The following FBXL17 variants were observed in gnomAD, a reference collection of about 807,000 sequenced individuals.
FBXL17 encodes F-box/LRR-repeat protein 17.
In FBXL17, 22 loss-of-function variants were observed where a neutral mutation model predicts 66.2. The observed-to-expected ratio is 0.33, with a 90% CI of 0.24 to 0.47. The LOEUF is 0.47. FBXL17 is among the 20% of genes least tolerant of loss of function. The probability of loss-of-function intolerance (pLI) is 1.00; values close to 1 mark genes in which losing one functional copy is unlikely to be tolerated. For synonymous variants in FBXL17, 474 were observed against 400.5 expected, an observed-to-expected ratio of 1.18 and a Z score of -2.19; for missense variants, 878 against 948.2, an observed-to-expected ratio of 0.93 and a Z score of 0.97.
chr5:108,256,567 T>C (rs371552120), intron 4 of FBXL17, among the ~76,000 whole-genome samples: 10 of 152,196 alleles, frequency 6.6e-5, no homozygotes, highest in African/African-American at 1.7e-4. Flanking sequence ...CTCCAAATGT[T>C]TGTATTGCTA....
At chr5:107,978,074 C>T (rs929184775) in intron 7 of FBXL17, among the ~76,000 whole-genome samples, 1 of 151,870 alleles carries the variant, frequency 6.6e-6, no homozygotes, top group Admixed American at 6.6e-5. Flanking sequence ...ATTCAGTCAG[C>T]CTGCAGTGGG....
chr5:108,167,037 C>A (rs1233570100), intron 6 of FBXL17, among the ~76,000 whole-genome samples: 1 of 151,956 alleles, frequency 6.6e-6, no homozygotes, highest in Admixed American at 6.6e-5. Flanking sequence ...TATTTTATGG[C>A]AGCATAAAAT....
chr5:107,980,661 TATA>T lies in FBXL17; in HGVS notation c.1822+40261_1822+40263del, dbSNP rs1561350463. Among the ~76,000 whole-genome samples, 13 of 91,562 alleles carry T rather than the reference TATA, an allele frequency of 1.4e-4. 1 individual carries two copies. The highest frequency in any genetic ancestry group is 8.5e-4 in the African/African-American group (13 of 15,332). 60.1% of individuals were successfully genotyped at this position (91,562 alleles called of 152,430 possible). ...CAATAAAATAATATATATATATATA[TATA>T]TTTTTTTTTTGAGATGGAGTCTTGC... On this transcript the variant is annotated intron_variant, in intron 7 of 8. Coordinates refer to ENST00000542267, the MANE Select transcript of FBXL17 (RefSeq NM_001163315.3).
intron 5 of FBXL17, among the ~76,000 whole-genome samples, chr5:108,222,188 T>C (rs990742000): frequency 1.3e-5 from 2 of 152,224 alleles, no homozygotes; most frequent in Non-Finnish European, 2.9e-5. Context: ...ACCATAATTT[T>C]TGGCCATCTC....
intron 7 of FBXL17, among the ~76,000 whole-genome samples, chr5:107,986,732 C>T (rs1753024393): frequency 6.6e-6 from 1 of 151,836 alleles, no homozygotes; most frequent in Non-Finnish European, 1.5e-5. Flanking sequence ...TACAATAGTG[C>T]ACTATAACTT....
chr5:108,242,383 TTGTTGTTG>T (rs1755899043), intron 4 of FBXL17, among the ~76,000 whole-genome samples: 4 of 151,664 alleles, frequency 2.6e-5, no homozygotes, highest in Non-Finnish European at 4.4e-5. Flanking sequence ...GTTGTTGTTG[TTGTTGTTG>T]TTGTTGTCAT....
intron 4 of FBXL17, among the ~76,000 whole-genome samples, chr5:108,338,940 A>C (rs1284108713): frequency 6.6e-6 from 1 of 152,192 alleles, no homozygotes; most frequent in Non-Finnish European, 1.5e-5. Flanking sequence ...TTAGATAGGA[A>C]CATCACCTGT....
chr5:108,248,183 A>C (rs569459766), intron 4 of FBXL17, among the ~76,000 whole-genome samples: 1 of 152,318 alleles, frequency 6.6e-6, no homozygotes, highest in East Asian at 1.9e-4. Context: ...TAAATCAACC[A>C]TCATAAAAAT....
At chr5:107,950,453 G>A (rs1213341206) in intron 7 of FBXL17, among the ~76,000 whole-genome samples, 1 of 152,142 alleles carries the variant, frequency 6.6e-6, no homozygotes, top group Non-Finnish European at 1.5e-5. Flanking sequence ...TAAAGACAGA[G>A]TTTGTAAAAT....
intron 6 of FBXL17, among the ~76,000 whole-genome samples, chr5:108,074,646 C>G (rs1405589889): frequency 2.0e-5 from 3 of 152,194 alleles, no homozygotes; most frequent in Non-Finnish European, 4.4e-5. Context: ...GCACCACTCA[C>G]CTCTCTTCTG....
At chr5:107,928,919 T>G (rs972161351) in intron 7 of FBXL17, among the ~76,000 whole-genome samples, 2 of 151,652 alleles carry the variant, frequency 1.3e-5, no homozygotes, top group East Asian at 3.9e-4. Flanking sequence ...TAAAGCAGAT[T>G]TTTTTTTTCC....
chr5:108,270,955 C>G (rs981293187), intron 4 of FBXL17, among the ~76,000 whole-genome samples: 1 of 151,994 alleles, frequency 6.6e-6, no homozygotes, highest in African/African-American at 2.4e-5. Context: ...CATCTCTCCC[C>G]CTTTCCCCCT....
chr5:108,299,059 C>T (rs551896970), intron 4 of FBXL17: 17 of 976,814 alleles, frequency 1.7e-5, no homozygotes, highest in African/African-American at 3.5e-5. Context: ...CATATCTGAA[C>T]AAAAAAGCCC....
At chr5:107,945,416 G>C (rs1224185616) in intron 7 of FBXL17, among the ~76,000 whole-genome samples, 1 of 151,972 alleles carries the variant, frequency 6.6e-6, no homozygotes, top group African/African-American at 2.4e-5. Context: ...AGATACACAA[G>C]GATATTCATT....
At chr5:107,894,828 AT>A (rs1749319607) in intron 7 of FBXL17, among the ~76,000 whole-genome samples, 1 of 152,128 alleles carries the variant, frequency 6.6e-6, no homozygotes, top group African/African-American at 2.4e-5. Flanking sequence ...AATTTCAGCT[AT>A]TTCTTTACCA....
chr5:108,044,453 G>C (rs571423635), intron 6 of FBXL17, among the ~76,000 whole-genome samples: 2 of 152,006 alleles, frequency 1.3e-5, no homozygotes, highest in Non-Finnish European at 2.9e-5. Context: ...GTGATCTTTT[G>C]ATTTTTGAAT....
At chr5:108,099,988 G>T (rs934655035) in intron 6 of FBXL17, among the ~76,000 whole-genome samples, 4 of 152,066 alleles carry the variant, frequency 2.6e-5, no homozygotes, top group Admixed American at 2.0e-4. Flanking sequence ...TTCCAATATA[G>T]TAATGTTTTT....
chr5:108,100,444 T>C (rs1405299097), intron 6 of FBXL17, among the ~76,000 whole-genome samples: 2 of 152,194 alleles, frequency 1.3e-5, no homozygotes, highest in African/African-American at 4.8e-5. Flanking sequence ...CATCAAACTG[T>C]TTCTAAGCAA....
chr5:108,261,153 T>C (rs1429627725), intron 4 of FBXL17, among the ~76,000 whole-genome samples: 1 of 151,736 alleles, frequency 6.6e-6, no homozygotes, highest in East Asian at 1.9e-4. Flanking sequence ...TGGTCCTTCC[T>C]AAAAGACAAT....
Sources: allele counts gnomAD v4.1 joint callset (sites outside exome capture counted in the v4.1 genomes callset), GRCh38; gene constraint gnomAD v4.1.1; transcripts MANE v1.5; gene names NCBI Gene and HGNC (gene_info 2026-07-23, HGNC 2026-07-21).